The following TRIM9 variants were observed in gnomAD, a reference collection of about 807,000 sequenced individuals.
TRIM9 encodes E3 ubiquitin-protein ligase TRIM9.
In TRIM9, 26 loss-of-function variants were observed where a neutral mutation model predicts 78.3. That is an observed-to-expected ratio of 0.33 (90% confidence interval 0.24 to 0.46). The LOEUF (loss-of-function observed/expected upper bound fraction) is 0.46, where lower values mean the gene tolerates loss of function less well. Ranked by LOEUF, TRIM9 falls within the 20% of genes least tolerant of loss-of-function variation. The pLI is 1.00. For missense variants in TRIM9, 787 were observed against 1,036.4 expected (o/e 0.76, Z 3.30); for synonymous variants, 398 against 416.5 (o/e 0.96, Z 0.54).
chr14:50,985,562 C>G (rs1473396085), intron 8 of TRIM9, among the ~76,000 whole-genome samples: 2 of 152,228 alleles, frequency 1.3e-5, no homozygotes, highest in African/African-American at 4.8e-5. Context: ...CTCCCAGACA[C>G]TGCTGGTTTC....
At chr14:50,995,852 C>T (rs1393942461) in intron 7 of TRIM9, among the ~76,000 whole-genome samples, 1 of 152,000 alleles carries the variant, frequency 6.6e-6, no homozygotes, top group African/African-American at 2.4e-5. Flanking sequence ...AGTGAATGTA[C>T]CAAAACTCTG....
intron 1 of TRIM9, among the ~76,000 whole-genome samples, chr14:51,041,777 A>T (rs1410064871): frequency 2.0e-5 from 3 of 152,058 alleles, no homozygotes; most frequent in Non-Finnish European, 4.4e-5. Flanking sequence ...ATTTTGTTTT[A>T]AAAAATTTTA....
chr14:51,064,971 C>T (rs148636788), intron 1 of TRIM9, among the ~76,000 whole-genome samples: 1 of 152,290 alleles, frequency 6.6e-6, no homozygotes, highest in East Asian at 1.9e-4. Context: ...ACTGGCTCCT[C>T]ACTTTGGGCC....
At chr14:51,011,905 T>C (rs17123477) in intron 3 of TRIM9, among the ~76,000 whole-genome samples, 52,562 of 152,120 alleles carry the variant, frequency 0.35, 9,648 homozygotes, top group South Asian at 0.58. Flanking sequence ...GTTTTCATGT[T>C]GCCACAACCA....
chr14:51,074,109 AC>A (rs2062544883), intron 1 of TRIM9, among the ~76,000 whole-genome samples: 1 of 152,164 alleles, frequency 6.6e-6, no homozygotes, highest in African/African-American at 2.4e-5. Context: ...TAACAACGAA[AC>A]CAAACATCTG....
At chr14:51,080,823 G>A (rs1375618241) in intron 1 of TRIM9, among the ~76,000 whole-genome samples, 1 of 152,212 alleles carries the variant, frequency 6.6e-6, no homozygotes, top group African/African-American at 2.4e-5. Context: ...GTTGGGTAAG[G>A]AGGAGGAGGA....
chr14:51,077,367 C>T (rs1411915900), intron 1 of TRIM9, among the ~76,000 whole-genome samples: 1 of 148,022 alleles, frequency 6.8e-6, no homozygotes, highest in Non-Finnish European at 1.5e-5. Context: ...TCCTGGCCCT[C>T]AGTCTCATCT....
At chr14:51,072,208 A>C (rs1463788266) in intron 1 of TRIM9, among the ~76,000 whole-genome samples, 1 of 152,048 alleles carries the variant, frequency 6.6e-6, no homozygotes, top group Non-Finnish European at 1.5e-5. Context: ...CTTTTTTTTC[A>C]TAGGGAAACT....
intron 1 of TRIM9, among the ~76,000 whole-genome samples, chr14:51,036,127 G>A (rs2059128917): frequency 6.6e-6 from 1 of 152,126 alleles, no homozygotes; most frequent in Non-Finnish European, 1.5e-5. Flanking sequence ...ATGCCCCGAG[G>A]CAAAAAGTGG....
chr14:50,992,295 G>T (rs990675012), intron 7 of TRIM9, among the ~76,000 whole-genome samples: 1 of 152,146 alleles, frequency 6.6e-6, no homozygotes, highest in Admixed American at 6.5e-5. Context: ...ATGAGCAAAG[G>T]AGCTGGGCAC....
chr14:51,094,522 G>A lies in TRIM9; in HGVS notation c.418C>T (p.Arg140Trp), dbSNP rs1302272912. 1 of 1,613,512 alleles carries A rather than the reference G, an allele frequency of 6.2e-7. No homozygotes were observed. The highest frequency in any genetic ancestry group is 2.2e-5 in the East Asian group (1 of 44,872). ...QCHRSLILDDRGLRGFPKNRV... is the reference protein window; with the variant it reads ...QCHRSLILDDWGLRGFPKNRV... Reference sequence around the variant, plus strand: ...TTCTTGGGGAAGCCGCGGAGCCCCCGGTCATCCAGGATGAGGCTGCGGTGA... The same window carrying A: ...TTCTTGGGGAAGCCGCGGAGCCCCCAGTCATCCAGGATGAGGCTGCGGTGA... Residue 140 changes from arginine (R) to tryptophan (W), a missense_variant, in exon 1 of 13, where the codon CGG becomes TGG. Arg to Trp is a moderately radical substitution (Grantham distance 101). This residue lies in a region of TRIM9 where 352 missense variants were observed against 472.3 expected (regional missense o/e 0.75). Transcript: ENST00000684578.
chr14:51,044,709 T>C (rs927092016), intron 1 of TRIM9, among the ~76,000 whole-genome samples: 4 of 152,164 alleles, frequency 2.6e-5, no homozygotes, highest in Non-Finnish European at 1.5e-5. Flanking sequence ...TTATATTATG[T>C]GAGTGAAGAA....
At chr14:51,066,376 T>C (rs528749013) in intron 1 of TRIM9, among the ~76,000 whole-genome samples, 42 of 152,298 alleles carry the variant, frequency 2.8e-4, no homozygotes, top group African/African-American at 9.9e-4. Flanking sequence ...CTTTGTCTCA[T>C]ACAACTTCCC....
At chr14:51,032,182 G>C (rs1011703971) in intron 1 of TRIM9, among the ~76,000 whole-genome samples, 1 of 152,176 alleles carries the variant, frequency 6.6e-6, no homozygotes, top group Non-Finnish European at 1.5e-5. Context: ...CCATCAGATA[G>C]TAGGAATTGG....
chr14:51,062,812 G>A (rs1179799126), intron 1 of TRIM9, among the ~76,000 whole-genome samples: 1 of 152,186 alleles, frequency 6.6e-6, no homozygotes, highest in Non-Finnish European at 1.5e-5. Flanking sequence ...GCTGTTAACA[G>A]TAAAATAAAT....
chr14:50,998,297 C>G, intron 6 of TRIM9, 109 bp from the exon 7 acceptor site: 1 of 1,076,702 alleles, frequency 9.3e-7, no homozygotes, highest in East Asian at 2.4e-5. Context: ...TCATTCTAAT[C>G]TGGATTTGAA....
chr14:50,982,234 G>A (rs1039369329), intron 10 of TRIM9, 131 bp from the exon 11 acceptor site: 3 of 1,065,796 alleles, frequency 2.8e-6, no homozygotes, highest in African/African-American at 1.6e-5. Flanking sequence ...GGCGTCCAGG[G>A]CCAGGGCAGA....
chr14:51,017,278 A>G (rs2057309202), intron 3 of TRIM9, among the ~76,000 whole-genome samples: 1 of 152,218 alleles, frequency 6.6e-6, no homozygotes, highest in African/African-American at 2.4e-5. Flanking sequence ...ATTTACCCAC[A>G]CTGGCAAACT....
chr14:51,088,368 C>A (rs2063971852), intron 1 of TRIM9, among the ~76,000 whole-genome samples: 1 of 152,092 alleles, frequency 6.6e-6, no homozygotes, highest in Non-Finnish European at 1.5e-5. Flanking sequence ...CATATTGATA[C>A]AATATACAAT....
Sources: gnomAD v4.1 joint callset for allele counts (sites outside exome capture counted in the v4.1 genomes callset) on GRCh38, gnomAD v4.1.1 for gene constraint, gnomAD v4.1.1 regional missense constraint, MANE v1.5 for transcripts, NCBI Gene and HGNC (gene_info 2026-07-23, HGNC 2026-07-21) for gene names.